The following LRRFIP1 variants were observed in gnomAD, a reference collection of about 807,000 sequenced individuals.
The protein encoded by LRRFIP1 is LRR binding FLII interacting protein 1.
A neutral mutation model predicts 104.4 loss-of-function variants in LRRFIP1; 62 were observed. That is an observed-to-expected ratio of 0.59 (90% CI 0.48 to 0.73). LRRFIP1 has a LOEUF of 0.73. Among genes scored for constraint, LRRFIP1 ranks in the 30% least tolerant of loss-of-function variants. LRRFIP1 has a pLI of 0.00. For missense variants in LRRFIP1, 796 were observed against 824.5 expected, an observed-to-expected ratio of 0.97 and a Z score of 0.42; for synonymous variants, 300 against 299.0, an observed-to-expected ratio of 1.00 and a Z score of -0.03.
intron 1 of LRRFIP1, among the ~76,000 whole-genome samples, chr2:237,689,042 C>T (rs1470963452): frequency 6.8e-6 from 1 of 147,690 alleles, no homozygotes; most frequent in Non-Finnish European, 1.5e-5. Flanking sequence ...ATTGACCTTG[C>T]TCTACGTTGA....
intron 1 of LRRFIP1, among the ~76,000 whole-genome samples, chr2:237,643,789 C>T (rs1280320109): frequency 2.0e-5 from 3 of 152,216 alleles, no homozygotes; most frequent in Non-Finnish European, 4.4e-5. Context: ...CTTCACATAA[C>T]ATTTGGAAAT....
rs113939281 is a variant in LRRFIP1 at position 237,778,849 on chromosome 2, G to A, written c.1813-573G>A. Among the ~76,000 whole-genome samples, 294 of 152,198 alleles carry A rather than the reference G, an allele frequency of 1.9e-3. 2 individuals are homozygous for A. Among genetic ancestry groups the A allele is most frequent in the African/African-American group, 6.2e-3 (257 of 41,526 alleles). The stretch of plus-strand genomic sequence containing the variant: ...AGAGAATTGTTTGAACCCAGAAGGC[G>A]GAGGTTGCAGTGAGCCAAGATCACA... On this transcript the variant is annotated intron_variant, in intron 23 of 23. Coordinates refer to ENST00000308482, the MANE Select transcript of LRRFIP1 (RefSeq NM_001137550.2).
intron 1 of LRRFIP1, among the ~76,000 whole-genome samples, chr2:237,682,419 C>T (rs987551265): frequency 3.3e-5 from 5 of 152,178 alleles, no homozygotes; most frequent in African/African-American, 1.2e-4. Context: ...TAGTGAATGG[C>T]AGAACAGGAG....
At chr2:237,665,248 G>T (rs2088983754) in intron 1 of LRRFIP1, among the ~76,000 whole-genome samples, 1 of 151,988 alleles carries the variant, frequency 6.6e-6, no homozygotes, top group African/African-American at 2.4e-5. Flanking sequence ...CTTAAAAAAA[G>T]AAAAAATGCT....
chr2:237,708,553 C>G lies in LRRFIP1; in HGVS notation c.106C>G (p.Arg36Gly), dbSNP rs373403161. 1 of 1,576,624 alleles carries G rather than the reference C, an allele frequency of 6.3e-7. No individual in the cohort carries two copies. The highest frequency in any genetic ancestry group is 1.3e-5 in the African/African-American group (1 of 74,450). ...GCCCTGTCCGTTTCAGGCGGAAGCC[C>G]GGCTCGCTGCAAAACGGGCGGCCCG... ...LNQIAREAEA[R>G]LAAKRAARAE... The change falls in exon 2 of 24, where the codon CGG becomes GGG. Residue 36 changes from arginine (R) to glycine (G), a missense_variant. Physicochemically the swap from Arg to Gly is moderately radical, Grantham distance 125. Transcript: ENST00000308482.
At chr2:237,744,036 C>A (rs1421306812) in intron 11 of LRRFIP1, among the ~76,000 whole-genome samples, 1 of 152,208 alleles carries the variant, frequency 6.6e-6, no homozygotes, top group Admixed American at 6.5e-5. Context: ...ACTAGAAAAA[C>A]AACACTATTT....
chr2:237,775,908 A>G (rs941805458), intron 23 of LRRFIP1, among the ~76,000 whole-genome samples: 13 of 152,140 alleles, frequency 8.5e-5, no homozygotes, highest in Non-Finnish European at 1.6e-4. Context: ...AGGAGAAACC[A>G]AAGATGCCAT....
chr2:237,760,362 G>A (rs948839931), intron 19 of LRRFIP1, among the ~76,000 whole-genome samples, 157 bp downstream of exon 19: 5 of 152,176 alleles, frequency 3.3e-5, no homozygotes, highest in African/African-American at 4.8e-5. Flanking sequence ...TTGCCCACCC[G>A]GTGTGGTCAC....
intron 22 of LRRFIP1, among the ~76,000 whole-genome samples, chr2:237,773,295 T>C (rs929115474): frequency 6.6e-6 from 1 of 152,188 alleles, no homozygotes; most frequent in Non-Finnish European, 1.5e-5. Flanking sequence ...CCCAGCACTT[T>C]GGGAGGCTGA....
intron 1 of LRRFIP1, among the ~76,000 whole-genome samples, chr2:237,662,829 C>T (rs1297890505): frequency 6.6e-6 from 1 of 152,094 alleles, no homozygotes; most frequent in Non-Finnish European, 1.5e-5. Flanking sequence ...GGAAAGCAGT[C>T]TTCAATCAGA....
Position 237,666,261 on chromosome 2 carries a change from G to A in LRRFIP1, c.96+38521G>A, listed in dbSNP as rs1429932215. On this transcript the variant is annotated intron_variant, in intron 1 of 23. Transcript: ENST00000308482. ...GCACCTCAGTTGTCTGTAAATGGGC[G>A]CATTGGCAGTCCTGTGCAGCAATGC... 5.3e-5 allele frequency among the ~76,000 whole-genome samples: 8 copies of A among 152,364 alleles called. No individual in the cohort carries two copies. The East Asian group carries it at 1.5e-3, about 29-fold the overall frequency.
intron 10 of LRRFIP1, among the ~76,000 whole-genome samples, chr2:237,737,053 T>C (rs2095272359): frequency 6.6e-6 from 1 of 152,082 alleles, no homozygotes; most frequent in Non-Finnish European, 1.5e-5. Context: ...GGTCCAGGCT[T>C]CCCCCAGGCC....
chr2:237,645,474 C>G (rs1001348092), intron 1 of LRRFIP1, among the ~76,000 whole-genome samples: 1 of 152,022 alleles, frequency 6.6e-6, no homozygotes, highest in African/African-American at 2.4e-5. Flanking sequence ...CCGTTCCCCT[C>G]TCCTCCGACT....
At position 237,735,342 on chromosome 2, in the gene LRRFIP1, C is replaced by A; in HGVS notation, c.555+9C>A. ...CCTCCGGCTCCCGTGCTGTAAGGCGCTTTCGGTGATACCTCCTTTCCCCCG... is the reference window on the plus strand; with the variant it reads ...CCTCCGGCTCCCGTGCTGTAAGGCGATTTCGGTGATACCTCCTTTCCCCCG... On this transcript the variant is annotated intron_variant, in intron 10 of 23. Coordinates refer to ENST00000308482, the MANE Select transcript of LRRFIP1 (RefSeq NM_001137550.2). The surrounding 1 kb of genome is among the most constrained non-coding windows in gnomAD (Gnocchi z 4.6). 6.2e-7 allele frequency: 1 copy of A among 1,612,160 alleles called. No homozygotes were observed. The highest frequency in any genetic ancestry group is 8.5e-7 in the Non-Finnish European group (1 of 1,179,610).
At chr2:237,693,699 A>G (rs1460525951) in intron 1 of LRRFIP1, among the ~76,000 whole-genome samples, 1 of 152,198 alleles carries the variant, frequency 6.6e-6, no homozygotes, top group Non-Finnish European at 1.5e-5. Flanking sequence ...GCAGCCTGGG[A>G]CACCATAGAT....
intron 1 of LRRFIP1, among the ~76,000 whole-genome samples, chr2:237,633,302 T>G (rs1165073666): frequency 6.6e-6 from 1 of 152,208 alleles, no homozygotes; most frequent in African/African-American, 2.4e-5. Flanking sequence ...GCGTGAACAA[T>G]GTGCCTGTGA....
At chr2:237,640,879 C>CCT in intron 1 of LRRFIP1, among the ~76,000 whole-genome samples, 1 of 152,166 alleles carries the variant, frequency 6.6e-6, no homozygotes, top group South Asian at 2.1e-4. Flanking sequence ...CAACCCCTGG[C>CCT]CTCTCTTTTC....
chr2:237,764,562 T>C, intron 19 of LRRFIP1: 1 of 1,021,254 alleles, frequency 9.8e-7, no homozygotes, highest in Non-Finnish European at 1.2e-6. Context: ...GATATTTAAA[T>C]TAATGTCTTG....
chr2:237,762,900 C>T lies in LRRFIP1; in HGVS notation c.1459+2695C>T, dbSNP rs557643714. 3.8e-5 allele frequency: 61 copies of T among 1,614,166 alleles called. 2 individuals are homozygous for T. The South Asian group carries it at 6.6e-4, about 17-fold the overall frequency. ...GTTGAGTCAAATGAGGTCATGGGTG[C>T]ACCAGATGACAGGACCAGAACTCCC... On this transcript the variant is annotated intron_variant, in intron 19 of 23. Transcript: ENST00000308482.
Sources: gnomAD v4.1 joint callset for allele counts (sites outside exome capture counted in the v4.1 genomes callset) on GRCh38, gnomAD v4.1.1 for gene constraint, Gnocchi (gnomAD v3.1) non-coding constraint, MANE v1.5 for transcripts, NCBI Gene and HGNC (gene_info 2026-07-23, HGNC 2026-07-21) for gene names.